Variants in GREB1 observed in about 807,000 individuals in gnomAD.
GREB1 encodes growth regulating estrogen receptor binding 1, also known as protein GREB1.
GREB1 carries 106 observed loss-of-function variants against 200.7 expected under a neutral mutation model. The ratio of observed to expected loss-of-function variants is 0.53; its 90% CI spans 0.45 to 0.62. The LOEUF is 0.62. Among genes scored for constraint, GREB1 ranks in the 20% least tolerant of loss-of-function variants. The pLI, the probability that GREB1 is intolerant of heterozygous loss-of-function variation, is 0.00. For missense variants in GREB1, 2,243 were observed against 2,556.8 expected (o/e 0.88, Z 2.65); for synonymous variants, 1,132 against 1,092.4 (o/e 1.04, Z -0.72).
At chr2:11,568,333 C>A (rs1470983154) in intron 4 of GREB1, among the ~76,000 whole-genome samples, 1 of 152,180 alleles carries the variant, frequency 6.6e-6, no homozygotes. Flanking sequence ...CACAGAGGCG[C>A]TGGGGACACA....
rs1681391487 is a variant in GREB1, at chr2:11,597,659, C to T, written c.1955-122C>T. ...TGATAAACGTGAGTTATTCCCCTTT[C>T]CCTCATCGCTTTGTGAATGGGGCCG... On this transcript the variant is annotated intron_variant, in intron 13 of 32. Coordinates refer to ENST00000381486, the MANE Select transcript of GREB1 (RefSeq NM_014668.4). This position sits in a 1 kb window ranked among gnomAD's most constrained non-coding sequence, Gnocchi z 4.1. 4.9e-6 allele frequency: 4 copies of T among 816,198 alleles called. No homozygotes were observed. Among genetic ancestry groups the T allele is most frequent in the South Asian group, 4.5e-5 (3 of 66,560 alleles). 50.6% of individuals were successfully genotyped at this position (816,198 alleles called of 1,614,324 possible). A position where few individuals can be genotyped will look rare whatever the true frequency, so the allele number is the denominator to read the frequency against.
Position 11,604,181 on chromosome 2 carries a change from G to T in GREB1, c.2666+1639G>T, listed in dbSNP as rs557309761. 5.3e-5 allele frequency among the ~76,000 whole-genome samples: 8 copies of T among 152,312 alleles called. No individual in the cohort carries two copies. The South Asian group carries it at 1.0e-3, about 20-fold the overall frequency. The stretch of plus-strand genomic sequence containing the variant: ...ACCTGTAGAAATCCACCTTGCTGGT[G>T]GCTTCTTAGAGTTTCATGAGCTAAT... On this transcript the variant is annotated intron_variant, in intron 17 of 32. Transcript: ENST00000381486.
At chr2:11,526,306 A>G (rs1258131399) in intron 1 of GREB1, among the ~76,000 whole-genome samples, 1 of 152,222 alleles carries the variant, frequency 6.6e-6, no homozygotes, top group Non-Finnish European at 1.5e-5. Flanking sequence ...AGAGAGGAGC[A>G]GAATGTAGTA....
At chr2:11,602,373 T>C (rs1211062593) in intron 16 of GREB1, 33 bp from the exon 17 acceptor site, 4 of 1,605,570 alleles carry the variant, frequency 2.5e-6, no homozygotes, top group Non-Finnish European at 3.4e-6. Flanking sequence ...GCGAATGCAG[T>C]GTTGGAGTGA....
At chr2:11,566,724 C>A in intron 4 of GREB1, 68 bp downstream of exon 4, 1 of 1,403,846 alleles carries the variant, frequency 7.1e-7, no homozygotes, top group Non-Finnish European at 9.6e-7. Flanking sequence ...AGGGAGGTCA[C>A]GGCGGGGGGT....
rs199955036 is a variant in GREB1 at position 11,600,843 on chromosome 2, G to A, written c.2377G>A (p.Gly793Arg). Residue 793 changes from glycine to arginine, a missense_variant, in exon 16 of 33, where the codon GGA becomes AGA. Physicochemically the swap from Gly to Arg is moderately radical, Grantham distance 125 (BLOSUM62 -2). This residue lies in a region of GREB1 where 1,178 missense variants were observed against 1,387.4 expected (regional missense o/e 0.85). Coordinates refer to ENST00000381486, the MANE Select transcript of GREB1 (RefSeq NM_014668.4). ...NLYSQSDPSV[G>R]LVDRLLNCRE... ...CTATTCTCAAAGTGACCCGTCGGTG[G>A]GATTGGTGGACCGATTGCTCAACTG... The A allele has an allele frequency of 6.8e-6, 11 of 1,614,026 alleles. No homozygotes were observed. Among genetic ancestry groups the A allele is most frequent in the Non-Finnish European group, 9.3e-6 (11 of 1,180,022 alleles).
chr2:11,499,471 A>G (rs574394140), intron 1 of GREB1, among the ~76,000 whole-genome samples: 23 of 152,376 alleles, frequency 1.5e-4, no homozygotes, highest in African/African-American at 5.5e-4. Flanking sequence ...GTCTCTCTCC[A>G]TGGGGAATAG....
At chr2:11,568,076 T>A (rs1318537051) in intron 4 of GREB1, among the ~76,000 whole-genome samples, 4 of 152,202 alleles carry the variant, frequency 2.6e-5, no homozygotes, top group African/African-American at 9.6e-5. Context: ...GGAACGGTCT[T>A]CATGCAGAAG....
intron 1 of GREB1, among the ~76,000 whole-genome samples, chr2:11,496,016 C>T (rs1305088408): frequency 1.3e-5 from 2 of 152,056 alleles, no homozygotes; most frequent in African/African-American, 2.4e-5. Flanking sequence ...CTCCAAAAAG[C>T]GGCACGGCTG....
At chr2:11,595,215 A>AT (rs1558605128) in intron 11 of GREB1, 36 bp from the exon 12 acceptor site, 1 of 1,588,910 alleles carries the variant, frequency 6.3e-7, no homozygotes, top group Non-Finnish European at 8.6e-7. Flanking sequence ...AGCAGGGAAG[A>AT]TACAATGGGT....
At chr2:11,539,743 AC>A (rs1232144251) in intron 1 of GREB1, 1 of 150,256 alleles carries the variant, frequency 6.7e-6, no homozygotes, top group Non-Finnish European at 1.5e-5. Context: ...TTGCCATCTG[AC>A]CCGGCAGGCG....
chr2:11,608,832 C>A (rs1682648888), intron 17 of GREB1, among the ~76,000 whole-genome samples: 1 of 152,222 alleles, frequency 6.6e-6, no homozygotes, highest in South Asian at 2.1e-4. Context: ...CTGCTCATAT[C>A]AACTGAAGAC....
At chr2:11,536,086 T>C (rs1436682722) in intron 1 of GREB1, among the ~76,000 whole-genome samples, 4 of 152,012 alleles carry the variant, frequency 2.6e-5, no homozygotes, top group African/African-American at 9.7e-5. Context: ...TTAACCATGG[T>C]CCTGGGAGAC....
chr2:11,552,106 G>A (rs975595306), intron 1 of GREB1, among the ~76,000 whole-genome samples: 2 of 152,234 alleles, frequency 1.3e-5, no homozygotes, highest in Non-Finnish European at 2.9e-5. Flanking sequence ...TTTGCGTGGG[G>A]TTGCGCATGC....
chr2:11,538,782 TCCTTCCTTCCTTCC>T (rs1261616714), intron 1 of GREB1, among the ~76,000 whole-genome samples: 668 of 27,744 alleles, frequency 0.024, 83 homozygotes, highest in African/African-American at 0.042. Flanking sequence ...CTTCCCGTCT[TCCTTCCTTCCTTCC>T]CTTCTTTACT....
At chr2:11,544,515 C>G (rs570122826) in intron 1 of GREB1, among the ~76,000 whole-genome samples, 4 of 152,154 alleles carry the variant, frequency 2.6e-5, no homozygotes, top group East Asian at 3.9e-4. Flanking sequence ...TGCGCCCGGC[C>G]GAGCCTTTTA....
chr2:11,536,021 G>A (rs527688020), intron 1 of GREB1, among the ~76,000 whole-genome samples: 9 of 152,238 alleles, frequency 5.9e-5, no homozygotes, highest in Non-Finnish European at 1.2e-4. Flanking sequence ...ACATCTGCAT[G>A]TTCTCTGCTC....
chr2:11,527,179 T>C (rs1022882456), intron 1 of GREB1, among the ~76,000 whole-genome samples: 9 of 152,238 alleles, frequency 5.9e-5, no homozygotes, highest in African/African-American at 1.2e-4. Context: ...TTGCTTTCCC[T>C]GAAATTAGTC....
chr2:11,537,872 A>G lies in GREB1; in HGVS notation c.-162+3618A>G, dbSNP rs62118292. 2.9e-3 allele frequency among the ~76,000 whole-genome samples: 441 copies of G among 152,026 alleles called. 2 individuals are homozygous for G. Among genetic ancestry groups the G allele is most frequent in the Non-Finnish European group, 5.0e-3 (343 of 67,968 alleles). On this transcript the variant is annotated intron_variant, in intron 1 of 32. Transcript: ENST00000381486. ...GCAGGATCTACCTATCTTTCTATAC[A>G]GTAAATGTATCTTGCTGAATGTTGT...
Sources: gnomAD v4.1 joint callset for allele counts (sites outside exome capture counted in the v4.1 genomes callset) on GRCh38, gnomAD v4.1.1 for gene constraint, gnomAD v4.1.1 regional missense constraint, Gnocchi (gnomAD v3.1) non-coding constraint, MANE v1.5 for transcripts, NCBI Gene and HGNC (gene_info 2026-07-23, HGNC 2026-07-21) for gene names.